Variants in RARB observed in about 807,000 individuals in gnomAD.
RARB encodes the protein HBV-activated protein.
Under a neutral mutation model 51.9 loss-of-function variants are expected in RARB, and 17 were observed. The ratio of observed to expected loss-of-function variants is 0.33; its 90% CI spans 0.22 to 0.49. The LOEUF is 0.49. Ranked by LOEUF, RARB falls within the 20% of genes least tolerant of loss-of-function variation. The probability of loss-of-function intolerance (pLI) is 0.99; values close to 1 mark genes in which losing one functional copy is unlikely to be tolerated. For missense variants in RARB, 369 were observed against 550.8 expected (o/e 0.67, Z 3.30); for synonymous variants, 215 against 195.4 (o/e 1.10, Z -0.84).
chr3:25,545,875 G>A (rs1699597266), intron 3 of RARB, among the ~76,000 whole-genome samples: 1 of 152,200 alleles, frequency 6.6e-6, no homozygotes. Context: ...TTTTGGGTGG[G>A]TTTGGGGAGA....
chr3:25,202,232 A>G (rs142225923), intron 5 of RARB, among the ~76,000 whole-genome samples: 2,100 of 152,150 alleles, frequency 0.014, 48 homozygotes, highest in African/African-American at 0.048. Context: ...AGAGGTGTTT[A>G]TAGTATTCTC....
intron 1 of RARB, among the ~76,000 whole-genome samples, chr3:24,830,606 G>T (rs1470802958): frequency 6.6e-6 from 1 of 150,558 alleles, no homozygotes; most frequent in Non-Finnish European, 1.5e-5. Context: ...TCGCGGAGTG[G>T]AACAGACAAA....
chr3:25,406,775 C>T (rs762271010), intron 5 of RARB, among the ~76,000 whole-genome samples: 5 of 152,166 alleles, frequency 3.3e-5, no homozygotes, highest in Admixed American at 2.6e-4. Context: ...GGCACAGTAT[C>T]GAGCAGGATG....
At chr3:24,918,885 C>T (rs2125385345) in intron 2 of RARB, among the ~76,000 whole-genome samples, 1 of 151,758 alleles carries the variant, frequency 6.6e-6, no homozygotes, top group South Asian at 2.1e-4. Flanking sequence ...GCGAGAGTCT[C>T]AAAAAATAAA....
chr3:25,004,583 G>A (rs1248777389), intron 2 of RARB, among the ~76,000 whole-genome samples: 1 of 152,050 alleles, frequency 6.6e-6, no homozygotes, highest in African/African-American at 2.4e-5. Flanking sequence ...ACCTCTTAAT[G>A]GTCTCACCTC....
At chr3:25,482,205 T>C (rs1440462149) in intron 2 of RARB, among the ~76,000 whole-genome samples, 1 of 152,212 alleles carries the variant, frequency 6.6e-6, no homozygotes, top group Non-Finnish European at 1.5e-5. Context: ...TTTCCTTCTA[T>C]ATTCAAGTGG....
At chr3:25,478,569 A>T (rs976355631) in intron 2 of RARB, among the ~76,000 whole-genome samples, 3 of 152,218 alleles carry the variant, frequency 2.0e-5, no homozygotes, top group African/African-American at 7.2e-5. Flanking sequence ...TAAATGGCGG[A>T]TGGACATGTG....
At chr3:25,475,618 G>T (rs1029548138) in intron 2 of RARB, among the ~76,000 whole-genome samples, 5 of 152,052 alleles carry the variant, frequency 3.3e-5, no homozygotes, top group Non-Finnish European at 7.4e-5. Flanking sequence ...AAGCCATCTG[G>T]GGAGCACAGT....
At chr3:25,314,841 C>T (rs1231795815) in intron 5 of RARB, among the ~76,000 whole-genome samples, 2 of 152,102 alleles carry the variant, frequency 1.3e-5, no homozygotes, top group African/African-American at 4.8e-5. Flanking sequence ...TCCTTACCTG[C>T]CTGCCTCCTC....
chr3:25,268,409 G>C (rs532021507), intron 5 of RARB, among the ~76,000 whole-genome samples: 10 of 150,130 alleles, frequency 6.7e-5, no homozygotes, highest in Non-Finnish European at 1.3e-4. Context: ...AAAAAGTCAA[G>C]ATGCCATGTG....
chr3:25,067,623 G>C (rs893915954), intron 3 of RARB, among the ~76,000 whole-genome samples: 3 of 152,134 alleles, frequency 2.0e-5, no homozygotes, highest in Non-Finnish European at 4.4e-5. Flanking sequence ...CCTAGTCCTA[G>C]TACCATACCT....
intron 2 of RARB, among the ~76,000 whole-genome samples, chr3:25,001,302 G>C (rs1456135836): frequency 6.6e-6 from 1 of 152,134 alleles, no homozygotes; most frequent in Non-Finnish European, 1.5e-5. Context: ...CCAAGCATGA[G>C]AACATTTCAA....
chr3:25,025,721 G>A (rs1430724221), intron 2 of RARB, among the ~76,000 whole-genome samples: 5 of 152,096 alleles, frequency 3.3e-5, no homozygotes, highest in Non-Finnish European at 7.4e-5. Flanking sequence ...GTTTCCCAAA[G>A]TTCTTAGAGT....
intron 5 of RARB, among the ~76,000 whole-genome samples, chr3:25,384,220 G>A (rs1241410339): frequency 6.6e-6 from 1 of 152,200 alleles, no homozygotes; most frequent in African/African-American, 2.4e-5. Context: ...CTACATGGCA[G>A]TTGTTAACTA....
At chr3:24,983,784 T>G (rs1490172306) in intron 2 of RARB, among the ~76,000 whole-genome samples, 4 of 151,982 alleles carry the variant, frequency 2.6e-5, no homozygotes, top group African/African-American at 9.7e-5. Flanking sequence ...TCATAATATG[T>G]GGAAGGGGGC....
intron 2 of RARB, among the ~76,000 whole-genome samples, chr3:24,981,810 C>T (rs1020869317): frequency 3.3e-5 from 5 of 152,198 alleles, no homozygotes; most frequent in Non-Finnish European, 7.3e-5. Context: ...CAACCAGTCC[C>T]CACGAGACAA....
intron 2 of RARB, among the ~76,000 whole-genome samples, chr3:24,926,513 C>G (rs1406152238): frequency 6.6e-6 from 1 of 152,056 alleles, no homozygotes. Context: ...AAAATATCAC[C>G]TGAAACCTAG....
intron 5 of RARB, among the ~76,000 whole-genome samples, chr3:25,392,597 G>T (rs1382343928): frequency 6.6e-6 from 1 of 151,936 alleles, no homozygotes; most frequent in Non-Finnish European, 1.5e-5. Flanking sequence ...CCTTGTAGAG[G>T]TCTTCCACAT....
chr3:25,595,489 A>G (rs2081890397), intron 7 of RARB, among the ~76,000 whole-genome samples: 1 of 152,242 alleles, frequency 6.6e-6, no homozygotes, highest in Non-Finnish European at 1.5e-5. Context: ...TGGAATTAAG[A>G]GTAGAAGTAA....
Sources: allele counts gnomAD v4.1 joint callset (sites outside exome capture counted in the v4.1 genomes callset), GRCh38; gene constraint gnomAD v4.1.1; transcripts MANE v1.5; gene names NCBI Gene and HGNC (gene_info 2026-07-23, HGNC 2026-07-21).